Variants in RALGAPA2 observed in about 807,000 individuals in gnomAD.
The protein encoded by RALGAPA2 is ral GTPase-activating protein subunit alpha-2.
RALGAPA2 carries 139 observed loss-of-function variants against 230.4 expected under a neutral mutation model. The ratio of observed to expected loss-of-function variants is 0.60; its 90% CI spans 0.53 to 0.69. The LOEUF (loss-of-function observed/expected upper bound fraction) is 0.69. Among genes scored for constraint, RALGAPA2 ranks in the 30% least tolerant of loss-of-function variants. RALGAPA2 has a pLI of 0.00. For missense variants in RALGAPA2, 2,163 were observed against 2,276.0 expected (o/e 0.95, Z 1.01); for synonymous variants, 847 against 837.8 (o/e 1.01, Z -0.19).
intron 4 of RALGAPA2, among the ~76,000 whole-genome samples, chr20:20,646,487 T>A (rs2067220392): frequency 2.6e-5 from 4 of 152,192 alleles, no homozygotes; most frequent in Admixed American, 2.6e-4. Flanking sequence ...CCACCCCACC[T>A]CTTCTGTGCC....
At chr20:20,550,194 C>A (rs896720860) in intron 23 of RALGAPA2, among the ~76,000 whole-genome samples, 1 of 152,124 alleles carries the variant, frequency 6.6e-6, no homozygotes, top group African/African-American at 2.4e-5. Flanking sequence ...TATGCCTCTG[C>A]GTACTCAGAA....
At chr20:20,585,872 GA>G (rs1469597314) in intron 18 of RALGAPA2, among the ~76,000 whole-genome samples, 1 of 150,758 alleles carries the variant, frequency 6.6e-6, no homozygotes, top group Admixed American at 6.6e-5. Context: ...AGAGTTAAAA[GA>G]AAAAAAAGAA....
chr20:20,411,597 T>C (rs1320216345), intron 38 of RALGAPA2, among the ~76,000 whole-genome samples: 1 of 152,232 alleles, frequency 6.6e-6, no homozygotes, highest in Non-Finnish European at 1.5e-5. Flanking sequence ...CCATGTCTCC[T>C]GCATTAATCC....
intron 18 of RALGAPA2, 59 bp from the exon 19 acceptor site, chr20:20,585,014 T>C: frequency 8.8e-7 from 1 of 1,139,140 alleles, no homozygotes; most frequent in Non-Finnish European, 1.3e-6. Context: ...TTATAAGACT[T>C]AAGTTTCTAG....
At chr20:20,654,946 G>A (rs549674220) in intron 3 of RALGAPA2, among the ~76,000 whole-genome samples, 2 of 152,308 alleles carry the variant, frequency 1.3e-5, no homozygotes, top group East Asian at 1.9e-4. Context: ...TCTAACAGGT[G>A]TGAGATGACA....
At chr20:20,397,538 C>T (rs117473894) in intron 38 of RALGAPA2, among the ~76,000 whole-genome samples, 15 of 152,312 alleles carry the variant, frequency 9.8e-5, no homozygotes, top group African/African-American at 3.6e-4. Context: ...TCTCAGCCCC[C>T]ACAACTCTCC....
rs958736549 is a variant in RALGAPA2 at position 20,583,087 on chromosome 20, C to T, written c.2670G>A (p.Trp890Ter). The part of the protein sequence containing the change: ...DVVADADARH[W>*]LQLSPTDASN... The stretch of plus-strand genomic sequence containing the variant: ...AAGCATCGGTGGGACTCAGTTGTAA[C>T]CAATGACGGGCATCAGCATCAGCCA... The change falls in exon 20 of 40, where the codon TGG becomes TGA. Residue 890 changes from tryptophan (W) to a stop codon, truncating the protein, a stop_gained. Transcript: ENST00000202677. LOFTEE classifies it high-confidence loss of function. 3.1e-6 allele frequency: 5 copies of T among 1,613,574 alleles called. No individual in the cohort carries two copies. Among genetic ancestry groups the T allele is most frequent in the Non-Finnish European group, 4.2e-6 (5 of 1,179,710 alleles).
intron 37 of RALGAPA2, among the ~76,000 whole-genome samples, chr20:20,427,112 A>G (rs1037092181): frequency 1.3e-5 from 2 of 152,178 alleles, no homozygotes; most frequent in Non-Finnish European, 2.9e-5. Flanking sequence ...AAGAGAAAAG[A>G]CTAGTGAGGC....
At chr20:20,439,879 G>T (rs1162597495) in intron 37 of RALGAPA2, among the ~76,000 whole-genome samples, 1 of 152,190 alleles carries the variant, frequency 6.6e-6, no homozygotes, top group Non-Finnish European at 1.5e-5. Context: ...GCATTTCATG[G>T]TTCCTGTGCT....
At chr20:20,675,605 A>T (rs1452934010) in intron 3 of RALGAPA2, among the ~76,000 whole-genome samples, 1 of 152,222 alleles carries the variant, frequency 6.6e-6, no homozygotes, top group Non-Finnish European at 1.5e-5. Context: ...CTGGCCACTT[A>T]TCTAATACAT....
At chr20:20,534,827 T>C (rs528242575) in intron 26 of RALGAPA2, among the ~76,000 whole-genome samples, 2 of 152,192 alleles carry the variant, frequency 1.3e-5, no homozygotes, top group African/African-American at 2.4e-5. Flanking sequence ...GCCATCAATA[T>C]AAAAGCAACT....
chr20:20,462,844 T>A lies in RALGAPA2; in HGVS notation c.5495+9985A>T, dbSNP rs150476860. The stretch of plus-strand genomic sequence containing the variant: ...CAGCGTCTCTTATTCTAATAAGGTA[T>A]GTATTATCCTTTTTAGAGATTTGAA... On this transcript the variant is annotated intron_variant, in intron 37 of 39. Transcript: ENST00000202677. 3.7e-3 allele frequency among the ~76,000 whole-genome samples: 565 copies of A among 152,344 alleles called. 6 individuals carry two copies. Among genetic ancestry groups the A allele is most frequent in the African/African-American group, 0.013 (533 of 41,580 alleles).
At position 20,512,505 on chromosome 20, in the gene RALGAPA2, A is replaced by C; in HGVS notation, c.4856+8T>G. The C allele has an allele frequency of 6.3e-7, 1 of 1,578,176 alleles. No homozygotes were observed. The highest frequency in any genetic ancestry group is 1.2e-5 in the South Asian group (1 of 83,864). On this transcript the variant is annotated splice_region_variant and intron_variant, in intron 32 of 39. Coordinates refer to ENST00000202677, the MANE Select transcript of RALGAPA2 (RefSeq NM_020343.4). ...TAAAATAACTGGAGGTCTAGCTTGG[A>C]TTGTTACCTTCTGTCCCAAGAATTC... is the stretch of plus-strand genomic sequence containing the variant.
chr20:20,603,410 T>G (rs958558364), intron 15 of RALGAPA2, among the ~76,000 whole-genome samples: 1 of 152,226 alleles, frequency 6.6e-6, no homozygotes, highest in African/African-American at 2.4e-5. Flanking sequence ...CCACTGTAAC[T>G]GGTTCACACC....
chr20:20,511,406 A>C, intron 32 of RALGAPA2, 81 bp from the exon 33 acceptor site: 1 of 1,485,450 alleles, frequency 6.7e-7, no homozygotes, highest in Non-Finnish European at 8.9e-7. Context: ...TTTAATAAAA[A>C]TACCTATCAT....
chr20:20,587,760 A>G (rs2065175120), intron 18 of RALGAPA2, among the ~76,000 whole-genome samples: 1 of 152,146 alleles, frequency 6.6e-6, no homozygotes, highest in African/African-American at 2.4e-5. Context: ...AAATAGGATC[A>G]GTATTCATAC....
intron 29 of RALGAPA2, 45 bp from the exon 30 acceptor site, chr20:20,524,588 A>G (rs747991207): frequency 1.5e-4 from 239 of 1,608,018 alleles, no homozygotes; most frequent in Non-Finnish European, 2.0e-4. Flanking sequence ...AGTCTCTTAA[A>G]CCTCACTACA....
chr20:20,448,462 GAAGAGGTGCCAACA>G (rs1459782330), intron 37 of RALGAPA2, among the ~76,000 whole-genome samples: 1 of 152,154 alleles, frequency 6.6e-6, no homozygotes, highest in East Asian at 1.9e-4. Context: ...TCAGGTCTTT[GAAGAGGTGCCAACA>G]AAACACCTCT....
chr20:20,518,219 C>T (rs1213248683), intron 31 of RALGAPA2, among the ~76,000 whole-genome samples: 2 of 152,158 alleles, frequency 1.3e-5, no homozygotes, highest in Non-Finnish European at 2.9e-5. Context: ...CCATGCCCAG[C>T]TAATTTTTTG....
Sources: gnomAD v4.1 joint callset for allele counts (sites outside exome capture counted in the v4.1 genomes callset) on GRCh38, gnomAD v4.1.1 for gene constraint, MANE v1.5 for transcripts, NCBI Gene and HGNC (gene_info 2026-07-23, HGNC 2026-07-21) for gene names.